Variants in CSNK1A1 observed in about 807,000 individuals in gnomAD.
The protein encoded by CSNK1A1 is casein kinase I isoform alpha.
In CSNK1A1, 7 loss-of-function variants were observed where a neutral mutation model predicts 46.1. That is an observed-to-expected ratio of 0.15 (90% CI 0.09 to 0.29). The LOEUF (loss-of-function observed/expected upper bound fraction) is 0.29, where lower values mean the gene tolerates loss of function less well. CSNK1A1 is among the 10% of genes least tolerant of loss of function. CSNK1A1 has a pLI of 1.00. For synonymous variants in CSNK1A1, 137 were observed against 141.5 expected, an observed-to-expected ratio of 0.97 and a Z score of 0.23; for missense variants, 96 against 417.1, an observed-to-expected ratio of 0.23 and a Z score of 6.71.
In CSNK1A1 at chr5:149,541,158, G is replaced by GTT. The variant is rs111502460; in HGVS notation, c.230+8915_230+8916dup. Among the ~76,000 whole-genome samples, 271 of 141,248 alleles carry GTT rather than the reference G, an allele frequency of 1.9e-3. 1 individual carries two copies. Among genetic ancestry groups the GTT allele is most frequent in the African/African-American group, 5.4e-3 (208 of 38,560 alleles). The allele number at this position is 141,248 out of a possible 152,430, so 92.7% of individuals were successfully genotyped here. A position where few individuals can be genotyped will look rare whatever the true frequency, so the allele number is the denominator to read the frequency against. On this transcript the variant is annotated intron_variant, in intron 2 of 9. Coordinates refer to ENST00000377843, the MANE Select transcript of CSNK1A1 (RefSeq NM_001892.6). ...ATGTTAATACTGGTCAACCAATTTT[G>GTT]TTTTTTTTTTTTGAGATGGAGTCTC...
At chr5:149,518,425 G>GC (rs1761460909) in intron 4 of CSNK1A1, among the ~76,000 whole-genome samples, 1 of 151,866 alleles carries the variant, frequency 6.6e-6, no homozygotes, top group African/African-American at 2.4e-5. Flanking sequence ...GTCCTCAAAA[G>GC]CCCCCCAAAA....
chr5:149,549,373 T>C lies in CSNK1A1; in HGVS notation c.230+702A>G. On this transcript the variant is annotated intron_variant, in intron 2 of 9. Transcript: ENST00000377843. ...TAAAAGAACTACGAAGGATTTTACATAGTGTAATTCAACAATTTCGTGTCA... is the reference window on the plus strand; with the variant it reads ...TAAAAGAACTACGAAGGATTTTACACAGTGTAATTCAACAATTTCGTGTCA... 4 of 671,462 alleles carry C rather than the reference T, an allele frequency of 6.0e-6. No individual in the cohort carries two copies. The Admixed American group carries it at 6.2e-5, about 10-fold the overall frequency. 41.6% of individuals were successfully genotyped at this position (671,462 alleles called of 1,614,324 possible).
intron 9 of CSNK1A1, chr5:149,501,567 G>C: frequency 1.0e-6 from 1 of 984,974 alleles, no homozygotes; most frequent in African/African-American, 1.7e-5. Flanking sequence ...AATCCCCTCT[G>C]AATGTCAATA....
rs569523587 is a variant in CSNK1A1 at position 149,496,159 on chromosome 5, T to C, written c.*694A>G. 1 of 152,650 alleles carries C rather than the reference T, an allele frequency of 6.6e-6. No individual in the cohort carries two copies. Among genetic ancestry groups the C allele is most frequent in the Non-Finnish European group, 1.5e-5 (1 of 68,038 alleles). 9.5% of individuals were successfully genotyped at this position (152,650 alleles called of 1,614,324 possible). On this transcript the variant is annotated 3_prime_UTR_variant, in exon 10 of 10. Coordinates refer to ENST00000377843, the MANE Select transcript of CSNK1A1 (RefSeq NM_001892.6). ...AAATTTCTGTGACAAATATGCTTTT[T>C]TTTTAATACCAAGAACATTATAGAG...
intron 2 of CSNK1A1, among the ~76,000 whole-genome samples, chr5:149,547,343 G>C (rs550451054): frequency 6.6e-6 from 1 of 152,136 alleles, no homozygotes; most frequent in South Asian, 2.1e-4. Flanking sequence ...TGCTTATTCA[G>C]TACATTACTC....
chr5:149,535,744 C>T (rs543125849), intron 2 of CSNK1A1, among the ~76,000 whole-genome samples: 1 of 152,054 alleles, frequency 6.6e-6, no homozygotes, highest in South Asian at 2.1e-4. Context: ...CAGATTCAAG[C>T]GATTCTCCTG....
chr5:149,515,387 T>G (rs1761367739), intron 4 of CSNK1A1, among the ~76,000 whole-genome samples: 1 of 152,194 alleles, frequency 6.6e-6, no homozygotes, highest in African/African-American at 2.4e-5. Flanking sequence ...TTATAAAAAT[T>G]CAGTGTTCGC....
intron 3 of CSNK1A1, among the ~76,000 whole-genome samples, chr5:149,521,948 ACT>A (rs1343182944): frequency 6.6e-6 from 1 of 150,974 alleles, no homozygotes; most frequent in Non-Finnish European, 1.5e-5. Flanking sequence ...GTCAAGCTCC[ACT>A]CTTTGCCTAT....
intron 2 of CSNK1A1, among the ~76,000 whole-genome samples, chr5:149,537,376 T>C (rs975089863): frequency 1.3e-5 from 2 of 152,018 alleles, no homozygotes; most frequent in Non-Finnish European, 2.9e-5. Flanking sequence ...ACTCCATCTC[T>C]AGTGAAAAAC....
At chr5:149,546,028 A>ACAGG (rs1368946833) in intron 2 of CSNK1A1, among the ~76,000 whole-genome samples, 2 of 151,040 alleles carry the variant, frequency 1.3e-5, no homozygotes, top group Non-Finnish European at 2.9e-5. Context: ...AGCTGGCACT[A>ACAGG]CAGGCGCACG....
At chr5:149,533,154 T>G (rs1193853854) in intron 2 of CSNK1A1, among the ~76,000 whole-genome samples, 1 of 152,174 alleles carries the variant, frequency 6.6e-6, no homozygotes, top group East Asian at 1.9e-4. Flanking sequence ...CTCCAAAAAT[T>G]ATAAAAACAA....
At chr5:149,498,562 C>T (rs1760727859) in intron 9 of CSNK1A1, 1 of 984,826 alleles carries the variant, frequency 1.0e-6, no homozygotes, top group Admixed American at 6.2e-5. Flanking sequence ...ATAAGCTATG[C>T]AGGTTAAGAA....
At position 149,496,877 on chromosome 5, in the gene CSNK1A1, A is replaced by G. The variant is rs1476436246; in HGVS notation, c.1007-17T>C. 1 of 1,542,640 alleles carries G rather than the reference A, an allele frequency of 6.5e-7. No homozygotes were observed. The highest frequency in any genetic ancestry group is 2.4e-5 in the East Asian group (1 of 41,438). ...CTTAGAAACCTGGTAAAAAATCAAAACAAAAAAAAAGTTAAAATTCCAAGT... is the reference window on the plus strand; with the variant it reads ...CTTAGAAACCTGGTAAAAAATCAAAGCAAAAAAAAAGTTAAAATTCCAAGT... On this transcript the variant is annotated splice_polypyrimidine_tract_variant and intron_variant, in intron 9 of 9. Transcript: ENST00000377843.
chr5:149,534,427 T>C (rs902062137), intron 2 of CSNK1A1, among the ~76,000 whole-genome samples: 3 of 132,114 alleles, frequency 2.3e-5, no homozygotes, highest in African/African-American at 8.8e-5. Flanking sequence ...GGGGTTGCAG[T>C]GAGCTGAGAT....
At chr5:149,538,233 G>C (rs1393526963) in intron 2 of CSNK1A1, among the ~76,000 whole-genome samples, 1 of 151,864 alleles carries the variant, frequency 6.6e-6, no homozygotes, top group Admixed American at 6.6e-5. Context: ...TGTTGGTCAG[G>C]CTGGTCTCGA....
intron 9 of CSNK1A1, chr5:149,497,693 T>C (rs1760696921): frequency 1.0e-6 from 1 of 985,352 alleles, no homozygotes; most frequent in African/African-American, 1.7e-5. Flanking sequence ...AGACACCCAC[T>C]CTGAGGCACC....
At chr5:149,500,262 C>T (rs1760801555) in intron 9 of CSNK1A1, among the ~76,000 whole-genome samples, 1 of 151,854 alleles carries the variant, frequency 6.6e-6, no homozygotes, top group African/African-American at 2.4e-5. Context: ...CTCAGCCTCC[C>T]AAGTAGCTGG....
rs1760643142 is a variant in CSNK1A1 at position 149,495,955 on chromosome 5, T to G, written c.*898A>C. 6.6e-6 allele frequency: 1 copy of G among 152,574 alleles called. No homozygotes were observed. The highest frequency in any genetic ancestry group is 6.5e-5 in the Admixed American group (1 of 15,274). The allele number at this position is 152,574 out of a possible 1,614,324, so 9.5% of individuals were successfully genotyped here. On this transcript the variant is annotated 3_prime_UTR_variant, in exon 10 of 10. Transcript: ENST00000377843. ...TTTAATAGTGAGTCAGCAAGGCATT[T>G]TTTGTTGTTTAAAAAAAATCTCATT...
At chr5:149,546,102 C>G (rs904562848) in intron 2 of CSNK1A1, among the ~76,000 whole-genome samples, 12 of 150,346 alleles carry the variant, frequency 8.0e-5, no homozygotes, top group Non-Finnish European at 8.9e-5. Context: ...TCACCTGTCT[C>G]TACTACCCAG....
Sources: gnomAD v4.1 joint callset for allele counts (sites outside exome capture counted in the v4.1 genomes callset) on GRCh38, gnomAD v4.1.1 for gene constraint, MANE v1.5 for transcripts, NCBI Gene and HGNC (gene_info 2026-07-23, HGNC 2026-07-21) for gene names.